TBC1D21: variants seen among roughly 807,000 people sequenced by gnomAD.
The protein encoded by TBC1D21 is TBC1 domain family member 21, also known as male germ cell Rab GTPase-activating protein.
In TBC1D21, 38 loss-of-function variants were observed where a neutral mutation model predicts 46.0. The observed-to-expected ratio is 0.83, with a 90% CI of 0.64 to 1.08. The LOEUF is 1.08. TBC1D21 is among the 50% of genes least tolerant of loss of function. The pLI, the probability that TBC1D21 is intolerant of heterozygous loss-of-function variation, is 0.00. For missense variants in TBC1D21, 415 were observed against 417.9 expected, an observed-to-expected ratio of 0.99 and a Z score of 0.06; for synonymous variants, 151 against 157.2, an observed-to-expected ratio of 0.96 and a Z score of 0.29.
the TBC1D21 span, among the ~76,000 whole-genome samples, chr15:73,898,059 G>A: frequency 1.3e-5 from 2 of 152,326 alleles, no homozygotes; most frequent in East Asian, 3.9e-4. Flanking sequence ...GGAGAGCAGG[G>A]ACCTCAGCTG....
the TBC1D21 span, among the ~76,000 whole-genome samples, chr15:73,900,357 C>G: frequency 6.6e-6 from 1 of 152,222 alleles, no homozygotes; most frequent in Admixed American, 6.5e-5. Context: ...TGAGGCCTGG[C>G]ACACGAACCA....
intron 6 of TBC1D21, 47 bp from the exon 7 acceptor site, chr15:73,886,031 C>G: frequency 1.3e-6 from 2 of 1,556,712 alleles, no homozygotes; most frequent in Non-Finnish European, 1.8e-6. Flanking sequence ...TCTTCCGGTG[C>G]CTTGAAGCCA....
intron 1 of TBC1D21, among the ~76,000 whole-genome samples, chr15:73,874,970 G>T (rs2068032594): frequency 6.6e-6 from 1 of 152,206 alleles, no homozygotes; most frequent in African/African-American, 2.4e-5. Context: ...AACCTGTCCA[G>T]GTGCAGTGGC....
intron 7 of TBC1D21, among the ~76,000 whole-genome samples, 169 bp downstream of exon 7, chr15:73,886,343 C>G (rs369305607): frequency 3.3e-5 from 5 of 152,300 alleles, no homozygotes; most frequent in African/African-American, 1.2e-4. Flanking sequence ...GGAGCCTGGA[C>G]AGTTGAAAGT....
intron 1 of TBC1D21, among the ~76,000 whole-genome samples, chr15:73,881,057 A>T (rs774372814): frequency 7.0e-4 from 106 of 152,154 alleles, no homozygotes; most frequent in Non-Finnish European, 1.4e-3. Flanking sequence ...TTCTGTTAAC[A>T]TTTGTATTTT....
rs143673150 is a variant in TBC1D21, at chr15:73,879,108, C to T, written c.61-2291C>T. 4.2e-3 allele frequency among the ~76,000 whole-genome samples: 641 copies of T among 152,314 alleles called. 2 individuals carry two copies. The highest frequency in any genetic ancestry group is 0.015 in the African/African-American group (621 of 41,546). Reference sequence around the variant, plus strand: ...CATGAGTTATTAAAAATGTGTTTCTCAATCCATTTCCATCAAATATACAGT... The same window carrying T: ...CATGAGTTATTAAAAATGTGTTTCTTAATCCATTTCCATCAAATATACAGT... On this transcript the variant is annotated intron_variant, in intron 1 of 10. Coordinates refer to ENST00000300504, the MANE Select transcript of TBC1D21 (RefSeq NM_153356.3).
intron 8 of TBC1D21, 49 bp downstream of exon 8, chr15:73,886,661 A>G: frequency 6.4e-7 from 1 of 1,555,746 alleles, no homozygotes. Context: ...CCCATCAGGC[A>G]GAGTGGAAGC....
downstream of TBC1D21, among the ~76,000 whole-genome samples, chr15:73,894,078 G>C (rs745866129): frequency 2.6e-5 from 4 of 152,176 alleles, no homozygotes; most frequent in Non-Finnish European, 4.4e-5. Context: ...CATTACCAGC[G>C]AGGAACCTGA....
chr15:73,893,822 G>A (rs2141592587), downstream of TBC1D21, among the ~76,000 whole-genome samples: 1 of 152,274 alleles, frequency 6.6e-6, no homozygotes, highest in South Asian at 2.1e-4. Flanking sequence ...ACTAGGAAGG[G>A]CCTCCACTGC....
At chr15:73,876,181 CAG>C (rs1366953745) in intron 1 of TBC1D21, among the ~76,000 whole-genome samples, 2 of 128,016 alleles carry the variant, frequency 1.6e-5, no homozygotes, top group Non-Finnish European at 3.2e-5. Context: ...AAGGAAGAAT[CAG>C]TGACTTTTTT....
At chr15:73,887,559 A>T (rs1193249169) in intron 8 of TBC1D21, 61 bp from the exon 9 acceptor site, 2 of 1,487,844 alleles carry the variant, frequency 1.3e-6, no homozygotes, top group Non-Finnish European at 1.9e-6. Flanking sequence ...GTACCTCACC[A>T]TCCTCAGGGC....
chr15:73,904,977 A>G, the TBC1D21 span, among the ~76,000 whole-genome samples: 710 of 152,334 alleles, frequency 4.7e-3, 5 homozygotes, highest in African/African-American at 0.016. Context: ...GCCAAGGGCA[A>G]AAATAGAAGA....
chr15:73,885,504 C>T (rs1323886194), intron 6 of TBC1D21, among the ~76,000 whole-genome samples: 1 of 152,130 alleles, frequency 6.6e-6, no homozygotes, highest in African/African-American at 2.4e-5. Context: ...CTGTTCCCTT[C>T]ACATAACCTG....
chr15:73,886,549 C>T lies in TBC1D21; in HGVS notation c.714C>T (p.Pro238=). The T allele has an allele frequency of 1.2e-6, 2 of 1,613,766 alleles. No homozygotes were observed. Among genetic ancestry groups the T allele is most frequent in the South Asian group, 2.2e-5 (2 of 91,050 alleles). ...CAGGGGCTGTGCAGTCCCTCTTCCC[C>T]TGGTTCTGCTTCTGCTTCCAGCGTG... is the stretch of plus-strand genomic sequence containing the variant. ...KGAGAVQSLF[P]WFCFCFQRAF... is the part of the protein sequence containing the mutation. The change falls in exon 8 of 11, where the codon CCC becomes CCT. Residue 238 remains proline, a synonymous_variant. Transcript: ENST00000300504.
chr15:73,875,566 T>G (rs2068046398), intron 1 of TBC1D21, among the ~76,000 whole-genome samples: 1 of 152,142 alleles, frequency 6.6e-6, no homozygotes, highest in African/African-American at 2.4e-5. Flanking sequence ...AGCAGGAAAC[T>G]TTTAGAGGGA....
At position 73,879,863 on chromosome 15, in the gene TBC1D21, A is replaced by C. The variant is rs79717376; in HGVS notation, c.61-1536A>C. On this transcript the variant is annotated intron_variant, in intron 1 of 10. Transcript: ENST00000300504. ...AGGAATCTTCTCTTATTCCAACAGG[A>C]ACCCTCACTCCTGTTGTTGTTGTTG... 1.7e-3 allele frequency among the ~76,000 whole-genome samples: 244 copies of C among 143,636 alleles called. 1 individual carries two copies. Among genetic ancestry groups the C allele is most frequent in the African/African-American group, 6.1e-3 (240 of 39,076 alleles). The allele number at this position is 143,636 out of a possible 152,430, so 94.2% of individuals were successfully genotyped here. A position where few individuals can be genotyped will look rare whatever the true frequency, so the allele number is the denominator to read the frequency against.
At chr15:73,892,903 G>A (rs544399965), downstream of TBC1D21, among the ~76,000 whole-genome samples, 3 of 152,294 alleles carry the variant, frequency 2.0e-5, no homozygotes, top group South Asian at 2.1e-4. Context: ...TGGTGATGTC[G>A]GCGACGTCAG....
At chr15:73,881,859 G>A (rs1219220198) in intron 3 of TBC1D21, 112 bp downstream of exon 3, 12 of 962,506 alleles carry the variant, frequency 1.2e-5, no homozygotes, top group Non-Finnish European at 1.9e-5. Context: ...ATTCCGAGAG[G>A]AACCCCATGC....
At chr15:73,885,625 T>G (rs2068230716) in intron 6 of TBC1D21, among the ~76,000 whole-genome samples, 1 of 152,008 alleles carries the variant, frequency 6.6e-6, no homozygotes, top group Non-Finnish European at 1.5e-5. Context: ...AAGCCTTTCC[T>G]CATGATCTGC....
Sources: gnomAD v4.1 joint callset for allele counts (sites outside exome capture counted in the v4.1 genomes callset) on GRCh38, gnomAD v4.1.1 for gene constraint, MANE v1.5 for transcripts, NCBI Gene and HGNC (gene_info 2026-07-23, HGNC 2026-07-21) for gene names.